UNC13C: variants seen among roughly 807,000 people sequenced by gnomAD.
The protein encoded by UNC13C is unc-13 homolog C, also known as protein unc-13 homolog C.
UNC13C carries 174 observed loss-of-function variants against 245.4 expected under a neutral mutation model. That is an observed-to-expected ratio of 0.71 (90% CI 0.63 to 0.80). UNC13C has a LOEUF of 0.80. UNC13C is among the 30% of genes least tolerant of loss of function. The pLI is 0.00. For synonymous variants in UNC13C, 992 were observed against 895.1 expected (o/e 1.11, Z -1.93); for missense variants, 2,829 against 2,602.9 (o/e 1.09, Z -1.89).
intron 19 of UNC13C, among the ~76,000 whole-genome samples, chr15:54,434,661 G>C (rs755576481): frequency 1.3e-5 from 2 of 152,038 alleles, no homozygotes; most frequent in Non-Finnish European, 2.9e-5. Context: ...TACCATTCAA[G>C]ACATAGGCAT....
At chr15:54,098,133 G>T (rs1899970805) in intron 2 of UNC13C, among the ~76,000 whole-genome samples, 1 of 152,118 alleles carries the variant, frequency 6.6e-6, no homozygotes, top group Admixed American at 6.6e-5. Flanking sequence ...CTGGGCTAAA[G>T]CACATCCTCC....
At chr15:54,016,787 TA>T (rs1417415482) in intron 2 of UNC13C, among the ~76,000 whole-genome samples, 2 of 152,246 alleles carry the variant, frequency 1.3e-5, no homozygotes, top group African/African-American at 4.8e-5. Context: ...ATTTTTGGAA[TA>T]GTCTGTTACT....
At chr15:54,578,895 C>T (rs1898077675) in intron 30 of UNC13C, among the ~76,000 whole-genome samples, 1 of 152,178 alleles carries the variant, frequency 6.6e-6, no homozygotes, top group Non-Finnish European at 1.5e-5. Context: ...ATGCCTGGCT[C>T]CTGGGTGCCC....
intron 20 of UNC13C, 64 bp downstream of exon 20, chr15:54,494,798 T>G: frequency 1.3e-6 from 2 of 1,554,656 alleles, no homozygotes; most frequent in Non-Finnish European, 1.8e-6. Context: ...AAATTACACC[T>G]GAATTGTGTA....
Position 54,124,074 on chromosome 15 carries a change from C to G in UNC13C, c.2984-18944C>G, listed in dbSNP as rs992215716. 2.0e-5 allele frequency among the ~76,000 whole-genome samples: 3 copies of G among 152,100 alleles called. No individual in the cohort carries two copies. In the East Asian group the frequency reaches 5.8e-4, roughly 29 times the overall value. ...ACTAGCGTCCTATGACATGGATGTG[C>G]CACAGTTTGTTTAACTATTGATCTG... On this transcript the variant is annotated intron_variant, in intron 2 of 32. Coordinates refer to ENST00000260323, the MANE Select transcript of UNC13C (RefSeq NM_001080534.3).
At chr15:54,377,559 G>T (rs190823864) in intron 17 of UNC13C, among the ~76,000 whole-genome samples, 1 of 152,182 alleles carries the variant, frequency 6.6e-6, no homozygotes, top group Non-Finnish European at 1.5e-5. Context: ...CATTCAGACT[G>T]TTATAAGAAA....
intron 18 of UNC13C, among the ~76,000 whole-genome samples, chr15:54,399,331 C>A (rs774360476): frequency 6.6e-6 from 1 of 151,636 alleles, no homozygotes; most frequent in South Asian, 2.1e-4. Flanking sequence ...AGGTTGATAT[C>A]GATTAAATAC....
chr15:53,998,960 C>T (rs955209872), intron 1 of UNC13C, among the ~76,000 whole-genome samples: 4 of 151,908 alleles, frequency 2.6e-5, no homozygotes, highest in South Asian at 2.1e-4. Flanking sequence ...TATGCTTGAT[C>T]GTGATCTATT....
chr15:54,596,421 A>G (rs1899087360), intron 30 of UNC13C, among the ~76,000 whole-genome samples: 1 of 152,198 alleles, frequency 6.6e-6, no homozygotes, highest in South Asian at 2.1e-4. Context: ...TATAAAGAGT[A>G]TAGCCATGAT....
chr15:53,894,838 G>T, the UNC13C span, among the ~76,000 whole-genome samples: 1 of 152,032 alleles, frequency 6.6e-6, no homozygotes, highest in Non-Finnish European at 1.5e-5. Flanking sequence ...AAAGTCAAGA[G>T]ATTAGTGTAA....
the UNC13C span, among the ~76,000 whole-genome samples, chr15:53,842,111 A>G: frequency 2.1e-4 from 32 of 152,262 alleles, no homozygotes; most frequent in Admixed American, 1.0e-3. Context: ...CTTTTCTTTG[A>G]CACTAAAAGT....
At chr15:54,289,043 T>C (rs1343055672) in intron 10 of UNC13C, among the ~76,000 whole-genome samples, 1 of 152,144 alleles carries the variant, frequency 6.6e-6, no homozygotes, top group Non-Finnish European at 1.5e-5. Context: ...TATCTATTTC[T>C]GAAGTTGCAC....
At chr15:54,613,883 T>C (rs1481728170) in intron 30 of UNC13C, among the ~76,000 whole-genome samples, 1 of 152,000 alleles carries the variant, frequency 6.6e-6, no homozygotes, top group Non-Finnish European at 1.5e-5. Context: ...GGCAAAGATC[T>C]TTCCGTTATG....
intron 26 of UNC13C, among the ~76,000 whole-genome samples, chr15:54,538,672 T>C (rs981008158): frequency 6.6e-6 from 1 of 151,822 alleles, no homozygotes; most frequent in Admixed American, 6.6e-5. Flanking sequence ...GCCATAAAAA[T>C]GAATGAGATC....
At chr15:54,419,383 A>T (rs1231161773) in intron 19 of UNC13C, among the ~76,000 whole-genome samples, 1 of 152,124 alleles carries the variant, frequency 6.6e-6, no homozygotes, top group African/African-American at 2.4e-5. Context: ...TATTTGTTGA[A>T]CACACAGCTG....
chr15:54,230,129 G>A (rs1319846159), intron 4 of UNC13C, among the ~76,000 whole-genome samples: 1 of 62,488 alleles, frequency 1.6e-5, no homozygotes, highest in African/African-American at 6.1e-5. Context: ...TGAATTATAT[G>A]GTAGTTCTGT....
At chr15:53,958,823 T>C in the UNC13C span, among the ~76,000 whole-genome samples, 1 of 152,298 alleles carries the variant, frequency 6.6e-6, no homozygotes, top group East Asian at 1.9e-4. Context: ...ACAGTTCTTG[T>C]AGCTCTTTTC....
chr15:54,277,819 C>G (rs1596131506), intron 10 of UNC13C, among the ~76,000 whole-genome samples: 2 of 151,954 alleles, frequency 1.3e-5, no homozygotes, highest in African/African-American at 4.8e-5. Flanking sequence ...TGATTTGAAC[C>G]CAATCTATTT....
chr15:54,036,690 G>C (rs1478828977), intron 2 of UNC13C, among the ~76,000 whole-genome samples: 1 of 152,216 alleles, frequency 6.6e-6, no homozygotes, highest in Non-Finnish European at 1.5e-5. Context: ...ACTAGATGCA[G>C]TTAAATCTGT....
Sources: allele counts gnomAD v4.1 joint callset (sites outside exome capture counted in the v4.1 genomes callset), GRCh38; gene constraint gnomAD v4.1.1; transcripts MANE v1.5; gene names NCBI Gene and HGNC (gene_info 2026-07-23, HGNC 2026-07-21).